The following ARHGAP15 variants were observed in gnomAD, a reference collection of about 807,000 sequenced individuals.
The protein encoded by ARHGAP15 is rho GTPase-activating protein 15.
Under a neutral mutation model 63.7 loss-of-function variants are expected in ARHGAP15, and 51 were observed. The ratio of observed to expected loss-of-function variants is 0.80; its 90% CI spans 0.64 to 1.01. ARHGAP15 has a LOEUF of 1.01. Among genes scored for constraint, ARHGAP15 ranks in the 50% least tolerant of loss-of-function variants. The pLI is 0.00. For synonymous variants in ARHGAP15, 191 were observed against 193.8 expected (o/e 0.99, Z 0.12); for missense variants, 560 against 564.6 (o/e 0.99, Z 0.08).
intron 13 of ARHGAP15, among the ~76,000 whole-genome samples, chr2:143,706,987 G>T (rs1684356599): frequency 6.6e-6 from 1 of 152,170 alleles, no homozygotes; most frequent in South Asian, 2.1e-4. Flanking sequence ...TGAAGTTAGT[G>T]GGAAGGAGGA....
chr2:143,659,856 G>T (rs1306178766), intron 12 of ARHGAP15, among the ~76,000 whole-genome samples: 1 of 151,976 alleles, frequency 6.6e-6, no homozygotes, highest in Non-Finnish European at 1.5e-5. Flanking sequence ...CCATTTCTCT[G>T]GCACTTGGTT....
chr2:143,531,752 T>C (rs972010443), intron 10 of ARHGAP15, among the ~76,000 whole-genome samples: 1 of 152,224 alleles, frequency 6.6e-6, no homozygotes. Flanking sequence ...GCACTCATAA[T>C]GTTAGTGCTT....
Position 143,519,297 on chromosome 2 carries a change from G to A in ARHGAP15, c.858G>A (p.Val286=). ...TTTTTGGCTCTCATCTGCACAAAGTGTGTGAACGTGAAAATTCCACAGTTC... is the reference window on the plus strand; with the variant it reads ...TTTTTGGCTCTCATCTGCACAAAGTATGTGAACGTGAAAATTCCACAGTTC... ...DQIFGSHLHK[V]CERENSTVPW... The change falls in exon 10 of 14, where the codon GTG becomes GTA. Residue 286 remains valine (V), a synonymous_variant. Coordinates refer to ENST00000295095, the MANE Select transcript of ARHGAP15 (RefSeq NM_018460.4). 6.2e-7 allele frequency: 1 copy of A among 1,613,240 alleles called. No individual in the cohort carries two copies. The highest frequency in any genetic ancestry group is 2.2e-5 in the East Asian group (1 of 44,830).
At chr2:143,463,476 G>A (rs1461544967) in intron 8 of ARHGAP15, among the ~76,000 whole-genome samples, 1 of 138,778 alleles carries the variant, frequency 7.2e-6, no homozygotes, top group Non-Finnish European at 1.5e-5. Flanking sequence ...GGAGGCAGAA[G>A]TTGTAGTGAG....
chr2:143,706,958 C>T (rs1684354989), intron 13 of ARHGAP15, among the ~76,000 whole-genome samples: 1 of 152,086 alleles, frequency 6.6e-6, no homozygotes, highest in African/African-American at 2.4e-5. Context: ...TTTGGAAAGG[C>T]AGAGAGGCAG....
chr2:143,235,448 G>T (rs918870022), intron 5 of ARHGAP15, among the ~76,000 whole-genome samples: 1 of 152,004 alleles, frequency 6.6e-6, no homozygotes, highest in Admixed American at 6.6e-5. Context: ...TTTTTGTTTT[G>T]GTTTGAAGAT....
chr2:143,300,927 T>C (rs532643010), intron 6 of ARHGAP15, among the ~76,000 whole-genome samples: 173 of 152,116 alleles, frequency 1.1e-3, no homozygotes, highest in African/African-American at 4.0e-3. Context: ...CACCATTGTA[T>C]GGATGGAATA....
intron 12 of ARHGAP15, among the ~76,000 whole-genome samples, chr2:143,686,206 A>T (rs1457362840): frequency 1.3e-5 from 2 of 151,744 alleles, no homozygotes; most frequent in East Asian, 3.9e-4. Flanking sequence ...CAGGAGTTTG[A>T]GACCAGCCTG....
At position 143,738,354 on chromosome 2, in the gene ARHGAP15, C is replaced by T. The variant is rs148723920; in HGVS notation, c.1245-29635C>T. ...ACTAGTAGTCTGTGGAGTCATTTAG[C>T]GTTCTTACGAATAAAGGCACATTTC... On this transcript the variant is annotated intron_variant, in intron 13 of 13. Transcript: ENST00000295095. 1.1e-3 allele frequency among the ~76,000 whole-genome samples: 163 copies of T among 152,162 alleles called. 2 individuals carry two copies. In the Middle Eastern group the frequency reaches 0.02, roughly 19 times the overall value.
intron 6 of ARHGAP15, among the ~76,000 whole-genome samples, chr2:143,352,557 G>A (rs1685617599): frequency 1.3e-5 from 2 of 152,078 alleles, no homozygotes; most frequent in South Asian, 4.1e-4. Flanking sequence ...TAAGTTTGAG[G>A]GAATTTGCAT....
intron 9 of ARHGAP15, among the ~76,000 whole-genome samples, chr2:143,509,531 T>C (rs1693484440): frequency 6.6e-6 from 1 of 152,190 alleles, no homozygotes; most frequent in African/African-American, 2.4e-5. Context: ...TGTCGTGTTT[T>C]AGCATTAGGC....
Position 143,188,838 on chromosome 2 carries a change from C to G in ARHGAP15, c.166-13296C>G, listed in dbSNP as rs189593796. Among the ~76,000 whole-genome samples, 803 of 151,860 alleles carry G rather than the reference C, an allele frequency of 5.3e-3. 4 individuals are homozygous for G. Among genetic ancestry groups the G allele is most frequent in the Non-Finnish European group, 8.3e-3 (563 of 67,944 alleles). ...ATGGGGTTTCATCATATTGGCCAGACTGGTCTCGAACCCCTGACCTTGTGA... is the reference window on the plus strand; with the variant it reads ...ATGGGGTTTCATCATATTGGCCAGAGTGGTCTCGAACCCCTGACCTTGTGA... On this transcript the variant is annotated intron_variant, in intron 2 of 13. Transcript: ENST00000295095.
At chr2:143,157,628 G>A (rs148309961) in intron 2 of ARHGAP15, among the ~76,000 whole-genome samples, 1 of 151,786 alleles carries the variant, frequency 6.6e-6, no homozygotes, top group Non-Finnish European at 1.5e-5. Flanking sequence ...TAGTGAGGAT[G>A]TGTCATTTCA....
At chr2:143,673,980 T>TA (rs1299777664) in intron 12 of ARHGAP15, among the ~76,000 whole-genome samples, 1 of 151,348 alleles carries the variant, frequency 6.6e-6, no homozygotes, top group Admixed American at 6.6e-5. Flanking sequence ...AGGCTAAAAT[T>TA]AAAAAGACTA....
rs370146878 is a variant in ARHGAP15, at chr2:143,598,939, T to A, written c.1004-25194T>A. 1.3e-3 allele frequency among the ~76,000 whole-genome samples: 200 copies of A among 151,030 alleles called. 1 individual carries two copies. Among genetic ancestry groups the A allele is most frequent in the South Asian group, 4.0e-3 (19 of 4,754 alleles). On this transcript the variant is annotated intron_variant, in intron 11 of 13. Coordinates refer to ENST00000295095, the MANE Select transcript of ARHGAP15 (RefSeq NM_018460.4). ...TAAAAAATAAGTTGGTTTTTTTTTT[T>A]TAAAAAAAACTAAGTTTTATTTTAT... is the stretch of plus-strand genomic sequence containing the variant.
chr2:143,212,512 GCTA>G (rs1692600954), intron 3 of ARHGAP15, among the ~76,000 whole-genome samples: 1 of 152,172 alleles, frequency 6.6e-6, no homozygotes, highest in Non-Finnish European at 1.5e-5. Flanking sequence ...TTCAGGGACT[GCTA>G]CTTCTTTAAA....
intron 6 of ARHGAP15, among the ~76,000 whole-genome samples, chr2:143,395,564 A>G (rs1245250664): frequency 1.3e-5 from 2 of 152,168 alleles, no homozygotes; most frequent in African/African-American, 4.8e-5. Context: ...GAACATAATT[A>G]GTGTTAAAGG....
chr2:143,430,177 C>A (rs1689320581), intron 6 of ARHGAP15, among the ~76,000 whole-genome samples: 1 of 144,068 alleles, frequency 6.9e-6, no homozygotes, highest in Non-Finnish European at 1.5e-5. Context: ...GCCAAAGTAA[C>A]TTTTTTTTTT....
intron 2 of ARHGAP15, among the ~76,000 whole-genome samples, chr2:143,168,593 C>T (rs1690642018): frequency 6.7e-6 from 1 of 149,808 alleles, no homozygotes; most frequent in Non-Finnish European, 1.5e-5. Context: ...CTCTTGTCAT[C>T]AAGTTTTAAA....
Sources: gnomAD v4.1 joint callset for allele counts (sites outside exome capture counted in the v4.1 genomes callset) on GRCh38, gnomAD v4.1.1 for gene constraint, MANE v1.5 for transcripts, NCBI Gene and HGNC (gene_info 2026-07-23, HGNC 2026-07-21) for gene names.